The following PROM1 variants were observed in gnomAD, a reference collection of about 807,000 sequenced individuals.
PROM1 encodes the protein prominin-1.
PROM1 carries 105 observed loss-of-function variants against 116.9 expected under a neutral mutation model. That is an observed-to-expected ratio of 0.90 (90% CI 0.77 to 1.06). The LOEUF (loss-of-function observed/expected upper bound fraction) is 1.06. Among genes scored for constraint, PROM1 ranks in the 50% least tolerant of loss-of-function variants. PROM1 has a pLI of 0.00. For missense variants in PROM1, 1,122 were observed against 1,045.2 expected (o/e 1.07, Z -1.01); for synonymous variants, 393 against 387.0 (o/e 1.02, Z -0.18).
intron 1 of PROM1, chr4:16,076,576 A>G (rs1743996973): frequency 6.6e-6 from 1 of 152,492 alleles, no homozygotes; most frequent in Non-Finnish European, 1.5e-5. Context: ...CATGTGGCCA[A>G]GAGTCAAACC....
intron 2 of PROM1, among the ~76,000 whole-genome samples, chr4:16,041,168 G>A (rs1735135385): frequency 6.6e-6 from 1 of 152,166 alleles, no homozygotes; most frequent in African/African-American, 2.4e-5. Flanking sequence ...AAAGGCGGTG[G>A]TAGATAAGAA....
chr4:16,076,602 A>G (rs1361641184), intron 1 of PROM1: 1 of 152,414 alleles, frequency 6.6e-6, no homozygotes, highest in Non-Finnish European at 1.5e-5. Context: ...GTTTGCCTTC[A>G]AAGTCCAAGA....
intron 10 of PROM1, among the ~76,000 whole-genome samples, chr4:16,014,868 T>C (rs1727891543): frequency 6.6e-6 from 1 of 152,228 alleles, no homozygotes; most frequent in Non-Finnish European, 1.5e-5. Context: ...ACTGGGGAAA[T>C]CAGGGAATTC....
intron 1 of PROM1, among the ~76,000 whole-genome samples, chr4:16,076,959 G>C (rs993572492): frequency 6.6e-6 from 1 of 152,108 alleles, no homozygotes; most frequent in African/African-American, 2.4e-5. Context: ...GCGGAAGGCC[G>C]GAAGACCGCA....
At chr4:15,989,318 C>T (rs148507681) in intron 19 of PROM1, among the ~76,000 whole-genome samples, 32 of 152,148 alleles carry the variant, frequency 2.1e-4, no homozygotes, top group Admixed American at 5.9e-4. Flanking sequence ...GACGAAGCAA[C>T]GCCCATCGAG....
chr4:16,074,892 A>C (rs1743620691), intron 2 of PROM1, among the ~76,000 whole-genome samples: 1 of 152,248 alleles, frequency 6.6e-6, no homozygotes, highest in South Asian at 2.1e-4. Flanking sequence ...CGAATTCTAT[A>C]ATCAATGATT....
At chr4:15,992,680 G>C (rs375440184) in intron 16 of PROM1, among the ~76,000 whole-genome samples, 11 of 152,152 alleles carry the variant, frequency 7.2e-5, no homozygotes, top group Admixed American at 2.6e-4. Context: ...GCAAGCACTT[G>C]ACTGGCATCT....
intron 8 of PROM1, among the ~76,000 whole-genome samples, chr4:16,020,613 C>A (rs1433898373): frequency 6.6e-6 from 1 of 152,140 alleles, no homozygotes; most frequent in African/African-American, 2.4e-5. Flanking sequence ...CTCCTCACGG[C>A]CCTTTTCACT....
At chr4:16,050,201 C>T (rs1256582281) in intron 2 of PROM1, among the ~76,000 whole-genome samples, 1 of 151,110 alleles carries the variant, frequency 6.6e-6, no homozygotes, top group African/African-American at 2.4e-5. Context: ...TCAGAGGTTG[C>T]AGTGAGCCGA....
intron 15 of PROM1, among the ~76,000 whole-genome samples, chr4:15,996,833 A>G (rs1409082492): frequency 6.6e-5 from 10 of 152,186 alleles, no homozygotes; most frequent in Non-Finnish European, 2.9e-5. Context: ...AAGAACACTA[A>G]GAATGGTGGT....
chr4:15,988,513 C>T (rs1203456308), intron 19 of PROM1, among the ~76,000 whole-genome samples: 1 of 152,152 alleles, frequency 6.6e-6, no homozygotes, highest in Non-Finnish European at 1.5e-5. Context: ...TGGCCATATT[C>T]CAATACAATT....
intron 1 of PROM1, among the ~76,000 whole-genome samples, chr4:16,078,647 A>G (rs1744438355): frequency 3.3e-5 from 5 of 152,170 alleles, no homozygotes; most frequent in Admixed American, 2.0e-4. Context: ...AACTTTCAAG[A>G]TAAGTACAGG....
chr4:15,969,973 C>G (rs1264198117), intron 27 of PROM1, among the ~76,000 whole-genome samples: 1 of 151,896 alleles, frequency 6.6e-6, no homozygotes, highest in Non-Finnish European at 1.5e-5. Context: ...GATAGGGTTT[C>G]ACTACATTTT....
chr4:15,998,313 T>C, intron 15 of PROM1, 72 bp downstream of exon 15: 2 of 1,462,370 alleles, frequency 1.4e-6, no homozygotes, highest in Non-Finnish European at 1.8e-6. Context: ...TTAAAAACAC[T>C]TCAAATGCAA....
chr4:16,045,009 G>A (rs531446331), intron 2 of PROM1, among the ~76,000 whole-genome samples: 4 of 152,098 alleles, frequency 2.6e-5, no homozygotes, highest in Non-Finnish European at 4.4e-5. Flanking sequence ...TATAATATAC[G>A]GAGCACTACA....
At chr4:16,058,368 G>A (rs1739513769) in intron 2 of PROM1, among the ~76,000 whole-genome samples, 1 of 152,056 alleles carries the variant, frequency 6.6e-6, no homozygotes, top group South Asian at 2.1e-4. Flanking sequence ...GTAAAGAGGG[G>A]AATCAAAACT....
chr4:16,036,184 T>C (rs899873115), intron 3 of PROM1, among the ~76,000 whole-genome samples: 13 of 152,224 alleles, frequency 8.5e-5, no homozygotes, highest in African/African-American at 3.1e-4. Context: ...GATGGTGTTA[T>C]TCCCATGCTT....
chr4:15,987,354 G>C (rs1235382506), intron 20 of PROM1, among the ~76,000 whole-genome samples: 1 of 152,212 alleles, frequency 6.6e-6, no homozygotes, highest in Non-Finnish European at 1.5e-5. Context: ...AAGGCACTGA[G>C]GTTTGGGATT....
intron 2 of PROM1, among the ~76,000 whole-genome samples, chr4:16,061,663 T>C (rs1301714379): frequency 6.6e-6 from 1 of 152,138 alleles, no homozygotes; most frequent in African/African-American, 2.4e-5. Flanking sequence ...TGAATTAGTT[T>C]TCTGGTGCTG....
Sources: allele counts gnomAD v4.1 joint callset (sites outside exome capture counted in the v4.1 genomes callset), GRCh38; gene constraint gnomAD v4.1.1; transcripts MANE v1.5; gene names NCBI Gene and HGNC (gene_info 2026-07-23, HGNC 2026-07-21).